Variants in GHR observed in about 807,000 individuals in gnomAD.
The protein encoded by GHR is GH receptor.
GHR carries 35 observed loss-of-function variants against 67.1 expected under a neutral mutation model. That is an observed-to-expected ratio of 0.52 (90% CI 0.40 to 0.69). The LOEUF is 0.69. Ranked by LOEUF, GHR falls within the 30% of genes least tolerant of loss-of-function variation. The probability of loss-of-function intolerance (pLI) is 0.00; values close to 1 mark genes in which losing one functional copy is unlikely to be tolerated. For missense variants in GHR, 792 were observed against 764.6 expected (o/e 1.04, Z -0.42); for synonymous variants, 272 against 269.1 (o/e 1.01, Z -0.10).
At position 42,694,131 on chromosome 5, in the gene GHR, C is replaced by T. The variant is rs891898580; in HGVS notation, c.267-786C>T. On this transcript the variant is annotated intron_variant, in intron 4 of 9. Transcript: ENST00000230882. The stretch of plus-strand genomic sequence containing the variant: ...GCCTTCCATGAAGAGCCAGAGCAAT[C>T]ATTCCCTCTTCTGAACTTTTAAGGA... 2.7e-4 allele frequency among the ~76,000 whole-genome samples: 41 copies of T among 152,172 alleles called. 1 individual carries two copies. Among genetic ancestry groups the T allele is most frequent in the Admixed American group, 2.4e-3 (37 of 15,282 alleles).
intron 3 of GHR, among the ~76,000 whole-genome samples, chr5:42,656,916 G>A (rs1755284329): frequency 6.6e-6 from 1 of 152,076 alleles, no homozygotes; most frequent in Admixed American, 6.6e-5. Flanking sequence ...CCATTATGTA[G>A]TTGAATATCA....
At chr5:42,663,198 C>T (rs556752574) in intron 3 of GHR, among the ~76,000 whole-genome samples, 183 of 152,212 alleles carry the variant, frequency 1.2e-3, no homozygotes, top group African/African-American at 3.5e-3. Flanking sequence ...CTTCTGAAAC[C>T]ATTCCAATCA....
At chr5:42,519,653 G>A (rs1351250567) in intron 1 of GHR, among the ~76,000 whole-genome samples, 4 of 152,158 alleles carry the variant, frequency 2.6e-5, no homozygotes, top group Admixed American at 6.5e-5. Context: ...CTAAAAAAAT[G>A]TCATGGTTAT....
At chr5:42,694,279 T>G (rs765846337) in intron 4 of GHR, among the ~76,000 whole-genome samples, 4 of 152,202 alleles carry the variant, frequency 2.6e-5, no homozygotes, top group Non-Finnish European at 5.9e-5. Flanking sequence ...TCTGTCATTA[T>G]GTTTTAGACA....
At position 42,424,582 on chromosome 5, in the gene GHR, A is replaced by G; in HGVS notation, c.-12+627A>G. 4 of 1,534,866 alleles carry G rather than the reference A, an allele frequency of 2.6e-6. No homozygotes were observed. The highest frequency in any genetic ancestry group is 3.5e-6 in the Non-Finnish European group (4 of 1,146,214). ...TGGGGTCAGTAGAGTGACAGCCACCAGTCCGCATGAACTGGGGTAAGTGGA... is the reference window on the plus strand; with the variant it reads ...TGGGGTCAGTAGAGTGACAGCCACCGGTCCGCATGAACTGGGGTAAGTGGA... On this transcript the variant is annotated intron_variant, in intron 1 of 9. Transcript: ENST00000230882. This position sits in a 1 kb window ranked among gnomAD's most constrained non-coding sequence, Gnocchi z 4.1.
intron 1 of GHR, among the ~76,000 whole-genome samples, chr5:42,509,525 T>C (rs1016665185): frequency 6.6e-6 from 1 of 152,212 alleles, no homozygotes; most frequent in African/African-American, 2.4e-5. Flanking sequence ...GACCATATGG[T>C]TTGCCTTCCT....
intron 1 of GHR, among the ~76,000 whole-genome samples, chr5:42,471,676 A>G (rs996608805): frequency 6.6e-6 from 1 of 152,220 alleles, no homozygotes; most frequent in Non-Finnish European, 1.5e-5. Context: ...TATATTTGTT[A>G]AGTGCCTAGA....
chr5:42,660,902 G>T (rs1249673885), intron 3 of GHR, among the ~76,000 whole-genome samples: 9 of 152,168 alleles, frequency 5.9e-5, no homozygotes, highest in Non-Finnish European at 1.3e-4. Flanking sequence ...CCAATACAGA[G>T]AAGTGCTTAA....
At chr5:42,563,512 G>T (rs1009263825) in intron 1 of GHR, among the ~76,000 whole-genome samples, 11 of 151,852 alleles carry the variant, frequency 7.2e-5, no homozygotes, top group African/African-American at 2.4e-4. Context: ...CAGCTACTCG[G>T]GAGGCTGAGG....
At chr5:42,603,220 G>A (rs1468348383) in intron 2 of GHR, among the ~76,000 whole-genome samples, 2 of 151,804 alleles carry the variant, frequency 1.3e-5, no homozygotes, top group African/African-American at 4.8e-5. Context: ...CAGAAAAATC[G>A]TCTGATAATA....
intron 1 of GHR, among the ~76,000 whole-genome samples, chr5:42,538,839 T>A (rs1748378309): frequency 6.6e-6 from 1 of 152,178 alleles, no homozygotes; most frequent in African/African-American, 2.4e-5. Context: ...TCGTTTAACA[T>A]AATCCCAGAC....
At chr5:42,599,706 A>T (rs1301644438) in intron 2 of GHR, among the ~76,000 whole-genome samples, 1 of 152,206 alleles carries the variant, frequency 6.6e-6, no homozygotes, top group Non-Finnish European at 1.5e-5. Flanking sequence ...ATTTTTAAAA[A>T]TTTGAAGAAT....
At chr5:42,483,094 G>A (rs866319661) in intron 1 of GHR, among the ~76,000 whole-genome samples, 5 of 152,166 alleles carry the variant, frequency 3.3e-5, no homozygotes, top group African/African-American at 1.2e-4. Flanking sequence ...TTTGAGACAG[G>A]GTCTCACTTT....
At position 42,718,289 on chromosome 5, in the gene GHR, C is replaced by T. The variant is rs34922624; in HGVS notation, c.946-164C>T. On this transcript the variant is annotated intron_variant, in intron 9 of 9. Coordinates refer to ENST00000230882, the MANE Select transcript of GHR (RefSeq NM_000163.5). Reference sequence around the variant, plus strand: ...ATTCTATTTCTTAAAAATAAGAAAACGTCATATGTATTTAAAAAGTTACAC... The same window carrying T: ...ATTCTATTTCTTAAAAATAAGAAAATGTCATATGTATTTAAAAAGTTACAC... 5.7e-4 allele frequency among the ~76,000 whole-genome samples: 86 copies of T among 151,328 alleles called. No homozygotes were observed. The East Asian group carries it at 0.016, about 28-fold the overall frequency.
intron 2 of GHR, among the ~76,000 whole-genome samples, chr5:42,576,099 T>A (rs200292837): frequency 4.9e-4 from 34 of 69,188 alleles, no homozygotes; most frequent in African/African-American, 9.8e-4. Context: ...TAAAATAAAA[T>A]AAATAAAATA....
At chr5:42,708,068 A>G (rs1345826806) in intron 6 of GHR, among the ~76,000 whole-genome samples, 1 of 152,040 alleles carries the variant, frequency 6.6e-6, no homozygotes, top group Non-Finnish European at 1.5e-5. Context: ...AGTTCTTGTA[A>G]GATAGGTCTG....
chr5:42,616,544 A>G (rs1342921643), intron 2 of GHR, among the ~76,000 whole-genome samples: 2 of 152,048 alleles, frequency 1.3e-5, no homozygotes, highest in Non-Finnish European at 2.9e-5. Context: ...TTAGATACCA[A>G]CTGAAGATAC....
At chr5:42,705,251 TG>T (rs1758120100) in intron 6 of GHR, among the ~76,000 whole-genome samples, 1 of 152,002 alleles carries the variant, frequency 6.6e-6, no homozygotes, top group African/African-American at 2.4e-5. Flanking sequence ...TCAGGTAAAA[TG>T]TTAGGTTATT....
At chr5:42,466,023 A>C in intron 1 of GHR, 3 of 519,076 alleles carry the variant, frequency 5.8e-6, no homozygotes, top group East Asian at 3.6e-5. Flanking sequence ...TGTGTTTTTT[A>C]TTTTTCCTCT....
Sources: gnomAD v4.1 joint callset for allele counts (sites outside exome capture counted in the v4.1 genomes callset) on GRCh38, gnomAD v4.1.1 for gene constraint, Gnocchi (gnomAD v3.1) non-coding constraint, MANE v1.5 for transcripts, NCBI Gene and HGNC (gene_info 2026-07-23, HGNC 2026-07-21) for gene names.